Variants in MCTP1 observed in about 807,000 individuals in gnomAD.
The protein encoded by MCTP1 is multiple C2 and transmembrane domain containing 1.
In MCTP1, 69 loss-of-function variants were observed where a neutral mutation model predicts 120.6. The observed-to-expected ratio is 0.57, with a 90% CI of 0.47 to 0.70. MCTP1 has a LOEUF of 0.70. MCTP1 is among the 30% of genes least tolerant of loss of function. The probability of loss-of-function intolerance (pLI) is 0.00; values close to 1 mark genes in which losing one functional copy is unlikely to be tolerated. For missense variants in MCTP1, 1,203 were observed against 1,248.8 expected (o/e 0.96, Z 0.55); for synonymous variants, 529 against 493.1 (o/e 1.07, Z -0.96).
intron 1 of MCTP1, among the ~76,000 whole-genome samples, chr5:95,115,487 C>T (rs576976727): frequency 2.0e-5 from 3 of 151,858 alleles, no homozygotes; most frequent in Non-Finnish European, 4.4e-5. Flanking sequence ...ATGCAATTGG[C>T]ATACTGAAGA....
rs1208115681 is a variant in MCTP1, at chr5:94,889,783, C to CA, written c.1840-812_1840-811insT. Among the ~76,000 whole-genome samples the CA allele has an allele frequency of 3.3e-5, 5 of 149,718 alleles. No homozygotes were observed. The East Asian group carries it at 9.7e-4, about 29-fold the overall frequency. ...ACACACACACACACACACACACACA[C>CA]CCCTCTATGTGGATAATTGTTGCTA... On this transcript the variant is annotated intron_variant, in intron 11 of 22. Coordinates refer to ENST00000515393, the MANE Select transcript of MCTP1 (RefSeq NM_024717.7).
chr5:94,718,946 C>T (rs1465076443), intron 19 of MCTP1, among the ~76,000 whole-genome samples: 2 of 152,144 alleles, frequency 1.3e-5, no homozygotes, highest in Admixed American at 6.5e-5. Context: ...GTCTCGAACT[C>T]CTGACCCCAG....
chr5:95,047,003 T>C (rs181133238), intron 1 of MCTP1, among the ~76,000 whole-genome samples: 15 of 152,300 alleles, frequency 9.8e-5, no homozygotes, highest in Admixed American at 9.2e-4. Context: ...GATTTTTAAC[T>C]GTTTGGTTCA....
At chr5:94,746,835 C>A (rs543345658) in intron 19 of MCTP1, among the ~76,000 whole-genome samples, 8 of 152,318 alleles carry the variant, frequency 5.3e-5, no homozygotes, top group African/African-American at 1.9e-4. Context: ...TGGTCCCAAC[C>A]AACCATTCTT....
chr5:95,281,675 C>T (rs981675259), intron 1 of MCTP1, among the ~76,000 whole-genome samples: 15 of 152,232 alleles, frequency 9.9e-5, no homozygotes, highest in Non-Finnish European at 2.1e-4. Context: ...ATGTCTATGT[C>T]GAAATGCTGA....
chr5:94,979,171 T>C (rs185306891), intron 2 of MCTP1: 17 of 150,490 alleles, frequency 1.1e-4, no homozygotes, highest in Admixed American at 2.0e-4. Flanking sequence ...TCAAACAATT[T>C]TCCTACTCTC....
At chr5:94,963,166 G>A (rs1483947233) in intron 2 of MCTP1, among the ~76,000 whole-genome samples, 1 of 151,970 alleles carries the variant, frequency 6.6e-6, no homozygotes, top group Non-Finnish European at 1.5e-5. Context: ...TTTTGATGGG[G>A]AGGAAAACAT....
At chr5:94,867,280 A>G (rs1215596728) in intron 17 of MCTP1, 19 of 1,530,066 alleles carry the variant, frequency 1.2e-5, no homozygotes, top group East Asian at 1.2e-4. Context: ...CAACACGTCT[A>G]TGGGAAGCAG....
chr5:95,131,059 G>A lies in MCTP1; in HGVS notation c.721-113575C>T, dbSNP rs1415528942. 3.3e-5 allele frequency among the ~76,000 whole-genome samples: 5 copies of A among 152,148 alleles called. No individual in the cohort carries two copies. The East Asian group carries it at 7.7e-4, about 23-fold the overall frequency. Reference sequence around the variant, plus strand: ...TGGTTCACAGTATTCAATCCATTCTGAGAACTGCTAGTGGCCAATGTCGCT... The same window carrying A: ...TGGTTCACAGTATTCAATCCATTCTAAGAACTGCTAGTGGCCAATGTCGCT... On this transcript the variant is annotated intron_variant, in intron 1 of 22. Coordinates refer to ENST00000515393, the MANE Select transcript of MCTP1 (RefSeq NM_024717.7).
At chr5:94,769,181 A>C (rs1773499204) in intron 19 of MCTP1, among the ~76,000 whole-genome samples, 1 of 152,144 alleles carries the variant, frequency 6.6e-6, no homozygotes, top group East Asian at 1.9e-4. Flanking sequence ...GGGAGCTAAA[A>C]ATTTTGGTCT....
chr5:95,070,425 G>T (rs1751854291), intron 1 of MCTP1, among the ~76,000 whole-genome samples: 1 of 152,222 alleles, frequency 6.6e-6, no homozygotes, highest in Non-Finnish European at 1.5e-5. Flanking sequence ...CAGATTGGGG[G>T]ATACCTTTAG....
chr5:94,946,661 T>A (rs1011569397), intron 3 of MCTP1, among the ~76,000 whole-genome samples: 2 of 152,102 alleles, frequency 1.3e-5, no homozygotes, highest in African/African-American at 4.8e-5. Context: ...CTGATATGAA[T>A]CAGGGAGACT....
chr5:94,998,676 A>G (rs1327056428), intron 2 of MCTP1, among the ~76,000 whole-genome samples: 1 of 152,184 alleles, frequency 6.6e-6, no homozygotes, highest in Non-Finnish European at 1.5e-5. Context: ...AGCTGGTTCT[A>G]GTCAGATTGC....
chr5:95,085,403 A>ATT (rs1755351289), intron 1 of MCTP1, among the ~76,000 whole-genome samples: 3 of 11,468 alleles, frequency 2.6e-4, no homozygotes, highest in Admixed American at 1.4e-3. Flanking sequence ...AGATCCTTTA[A>ATT]ATTTTTTTTT....
chr5:94,894,897 C>A (rs1803573692), intron 10 of MCTP1, 62 bp from the exon 11 acceptor site: 19 of 1,014,930 alleles, frequency 1.9e-5, no homozygotes, highest in Non-Finnish European at 2.7e-5. Flanking sequence ...TATCAAACAG[C>A]TGTTCAGAGT....
At chr5:95,090,621 T>C (rs1014229472) in intron 1 of MCTP1, among the ~76,000 whole-genome samples, 5 of 152,226 alleles carry the variant, frequency 3.3e-5, no homozygotes, top group African/African-American at 9.6e-5. Context: ...TCATCGCTGC[T>C]ACTTGGTATT....
intron 1 of MCTP1, among the ~76,000 whole-genome samples, chr5:95,200,514 C>A (rs190915074): frequency 1.3e-5 from 2 of 152,232 alleles, no homozygotes; most frequent in Admixed American, 1.3e-4. Flanking sequence ...TACTATTCAG[C>A]TTTAAAAATG....
At chr5:95,109,222 C>A (rs1757290619) in intron 1 of MCTP1, among the ~76,000 whole-genome samples, 1 of 152,120 alleles carries the variant, frequency 6.6e-6, no homozygotes, top group Non-Finnish European at 1.5e-5. Context: ...ACCAGAAAAA[C>A]CTCCTATATT....
chr5:94,937,988 A>G (rs1455782186), intron 5 of MCTP1, among the ~76,000 whole-genome samples: 1 of 152,012 alleles, frequency 6.6e-6, no homozygotes, highest in Non-Finnish European at 1.5e-5. Flanking sequence ...AGAATATTCT[A>G]TCACCAAGTC....
Sources: gnomAD v4.1 joint callset for allele counts (sites outside exome capture counted in the v4.1 genomes callset) on GRCh38, gnomAD v4.1.1 for gene constraint, MANE v1.5 for transcripts, NCBI Gene and HGNC (gene_info 2026-07-23, HGNC 2026-07-21) for gene names.